The following MOK variants were observed in gnomAD, a reference collection of about 807,000 sequenced individuals.
MOK encodes the protein MAPK/MAK/MRK overlapping kinase.
In MOK, 59 loss-of-function variants were observed where a neutral mutation model predicts 54.2. The observed-to-expected ratio is 1.09, with a 90% CI of 0.88 to 1.35. The LOEUF (loss-of-function observed/expected upper bound fraction) is 1.35. Among genes scored for constraint, MOK ranks in the 40% most tolerant of loss-of-function variants. The pLI, the probability that MOK is intolerant of heterozygous loss-of-function variation, is 0.00. For missense variants in MOK, 517 were observed against 526.2 expected, an observed-to-expected ratio of 0.98 and a Z score of 0.17; for synonymous variants, 210 against 202.7, an observed-to-expected ratio of 1.04 and a Z score of -0.31.
intron 7 of MOK, among the ~76,000 whole-genome samples, chr14:102,239,239 C>T (rs1442121878): frequency 3.3e-5 from 5 of 152,146 alleles, no homozygotes; most frequent in African/African-American, 9.7e-5. Flanking sequence ...GAAACCTTAA[C>T]ACTCAGTTGA....
At chr14:102,283,774 AT>A (rs2069728601) in intron 1 of MOK, among the ~76,000 whole-genome samples, 182 bp from the exon 2 acceptor site, 1 of 152,090 alleles carries the variant, frequency 6.6e-6, no homozygotes, top group South Asian at 2.1e-4. Flanking sequence ...ACAAAGCATC[AT>A]TTCCTTCCAG....
rs1009767792 is a variant in MOK, at chr14:102,293,036, G to A, written c.8-9444C>T. Among the ~76,000 whole-genome samples the A allele has an allele frequency of 1.2e-4, 19 of 152,154 alleles. No homozygotes were observed. In the East Asian group the frequency reaches 3.7e-3, roughly 29 times the overall value. On this transcript the variant is annotated intron_variant, in intron 1 of 11. Coordinates refer to ENST00000361847, the MANE Select transcript of MOK (RefSeq NM_014226.3). Reference sequence around the variant, plus strand: ...CAATCCCAGCTGCTAGCAAGGCTGAGGCATAAGAATCGCTTGAACCTGGGA... The same window carrying A: ...CAATCCCAGCTGCTAGCAAGGCTGAAGCATAAGAATCGCTTGAACCTGGGA...
downstream of MOK, among the ~76,000 whole-genome samples, chr14:102,220,034 GAATAGGAA>G (rs1444417127): frequency 6.6e-6 from 1 of 152,240 alleles, no homozygotes; most frequent in Non-Finnish European, 1.5e-5. This position sits in a 1 kb window ranked among gnomAD's most constrained non-coding sequence, Gnocchi z 4.2. Flanking sequence ...GCTAATGGGA[GAATAGGAA>G]GCCTGCAGCC....
At chr14:102,243,911 C>G (rs1198569447) in intron 7 of MOK, among the ~76,000 whole-genome samples, 1 of 152,176 alleles carries the variant, frequency 6.6e-6, no homozygotes, top group Non-Finnish European at 1.5e-5. Context: ...TGCTCTGCCC[C>G]CTCCACTACC....
At chr14:102,222,534 T>C (rs1303265839), downstream of MOK, among the ~76,000 whole-genome samples, 2 of 152,164 alleles carry the variant, frequency 1.3e-5, no homozygotes, top group Non-Finnish European at 2.9e-5. This position sits in a 1 kb window ranked among gnomAD's most constrained non-coding sequence, Gnocchi z 4.4. Context: ...AAAGAACCTG[T>C]TCTCAGGTGC....
chr14:102,290,503 G>T (rs2070655925), intron 1 of MOK, among the ~76,000 whole-genome samples: 1 of 151,988 alleles, frequency 6.6e-6, no homozygotes, highest in South Asian at 2.1e-4. Flanking sequence ...AAAGGCTTGG[G>T]GAATGGAACA....
chr14:102,246,099 T>C (rs1396121142), intron 7 of MOK: 1 of 152,244 alleles, frequency 6.6e-6, no homozygotes, highest in Non-Finnish European at 1.5e-5. Flanking sequence ...CTCCTTCCAA[T>C]TGGAATACCA....
chr14:102,250,445 C>T (rs1597363876), intron 7 of MOK, among the ~76,000 whole-genome samples: 1 of 152,164 alleles, frequency 6.6e-6, no homozygotes, highest in South Asian at 2.1e-4. Context: ...CTCATCCTCA[C>T]ACCTGTGGCC....
downstream of MOK, chr14:102,226,514 C>A: frequency 1.4e-6 from 1 of 694,100 alleles, no homozygotes; most frequent in East Asian, 2.7e-5. This position sits in a 1 kb window ranked among gnomAD's most constrained non-coding sequence, Gnocchi z 4.8. Flanking sequence ...AGAGGCCCCG[C>A]CGGGGCCCCG....
At chr14:102,254,572 C>CG in intron 4 of MOK, among the ~76,000 whole-genome samples, 1 of 152,230 alleles carries the variant, frequency 6.6e-6, no homozygotes, top group Middle Eastern at 3.4e-3. Context: ...CGACTTACCC[C>CG]GGCACTCAAG....
At chr14:102,273,646 A>G (rs2068585994) in intron 2 of MOK, among the ~76,000 whole-genome samples, 1 of 151,814 alleles carries the variant, frequency 6.6e-6, no homozygotes. Flanking sequence ...GGGCATGGTG[A>G]CACGTGCCTG....
chr14:102,268,326 G>C (rs570962426), intron 2 of MOK, among the ~76,000 whole-genome samples: 97 of 151,806 alleles, frequency 6.4e-4, no homozygotes, highest in African/African-American at 2.3e-3. Context: ...AAATAACAGT[G>C]CTTAATAAAA....
At chr14:102,215,201 C>T in the MOK span, among the ~76,000 whole-genome samples, 6 of 152,226 alleles carry the variant, frequency 3.9e-5, no homozygotes, top group East Asian at 1.9e-4. Context: ...AAATGTTCTG[C>T]GTCTCAGATA....
intron 4 of MOK, among the ~76,000 whole-genome samples, chr14:102,262,992 A>T (rs954330626): frequency 2.6e-5 from 4 of 152,216 alleles, no homozygotes; most frequent in Admixed American, 2.0e-4. Context: ...TGTTCCCCTC[A>T]GGCAACCTCT....
chr14:102,253,770 T>C (rs1478340126), intron 4 of MOK, among the ~76,000 whole-genome samples: 3 of 152,226 alleles, frequency 2.0e-5, no homozygotes, highest in Admixed American at 1.3e-4. Flanking sequence ...GTGTGTGTTT[T>C]AAGTTATTAA....
downstream of MOK, chr14:102,226,464 C>A (rs915018346): frequency 1.1e-5 from 8 of 701,992 alleles, no homozygotes; most frequent in Non-Finnish European, 1.8e-5. This position sits in a 1 kb window ranked among gnomAD's most constrained non-coding sequence, Gnocchi z 4.8. Context: ...GGAAATAATC[C>A]GGCCAGCCAG....
chr14:102,273,567 C>T (rs1170216750), intron 2 of MOK, among the ~76,000 whole-genome samples: 1 of 152,134 alleles, frequency 6.6e-6, no homozygotes, highest in African/African-American at 2.4e-5. Flanking sequence ...CACCTGAAGT[C>T]AGGAGTTCGA....
At chr14:102,262,015 G>A (rs1422499096) in intron 4 of MOK, among the ~76,000 whole-genome samples, 1 of 150,878 alleles carries the variant, frequency 6.6e-6, no homozygotes, top group African/African-American at 2.4e-5. Context: ...TAATTTTTTT[G>A]TATTTTTAAT....
chr14:102,251,327 G>T lies in MOK; in HGVS notation c.412-337C>A, dbSNP rs528222936. 6 of 385,684 alleles carry T rather than the reference G, an allele frequency of 1.6e-5. No individual in the cohort carries two copies. The Middle Eastern group carries it at 2.1e-3, about 137-fold the overall frequency. The allele number at this position is 385,684 out of a possible 1,614,324, so 23.9% of individuals were successfully genotyped here. A position where few individuals can be genotyped will look rare whatever the true frequency, so the allele number is the denominator to read the frequency against. Reference sequence around the variant, plus strand: ...CATGCTGCCAGCTTGCCCAGCAAGGGCTCTTTTAGCCACACAGCCTCAGAG... The same window carrying T: ...CATGCTGCCAGCTTGCCCAGCAAGGTCTCTTTTAGCCACACAGCCTCAGAG... On this transcript the variant is annotated intron_variant, in intron 6 of 11. Coordinates refer to ENST00000361847, the MANE Select transcript of MOK (RefSeq NM_014226.3).
Sources: allele counts gnomAD v4.1 joint callset (sites outside exome capture counted in the v4.1 genomes callset), GRCh38; gene constraint gnomAD v4.1.1; non-coding constraint Gnocchi (gnomAD v3.1); transcripts MANE v1.5; gene names NCBI Gene and HGNC (gene_info 2026-07-23, HGNC 2026-07-21).